Variants in FAM171B observed in about 807,000 individuals in gnomAD.
FAM171B encodes protein FAM171B.
FAM171B carries 19 observed loss-of-function variants against 75.6 expected under a neutral mutation model. The ratio of observed to expected loss-of-function variants is 0.25; its 90% CI spans 0.18 to 0.37. The LOEUF is 0.37. Ranked by LOEUF, FAM171B falls within the 10% of genes least tolerant of loss-of-function variation. The pLI is 1.00. For synonymous variants in FAM171B, 367 were observed against 361.7 expected (o/e 1.01, Z -0.17); for missense variants, 848 against 982.4 (o/e 0.86, Z 1.83).
At chr2:186,719,763 T>C (rs1392936346) in intron 1 of FAM171B, among the ~76,000 whole-genome samples, 1 of 152,200 alleles carries the variant, frequency 6.6e-6, no homozygotes, top group Non-Finnish European at 1.5e-5. Flanking sequence ...ATTTTAGCAA[T>C]GCACATCAAG....
chr2:186,721,275 G>A (rs1313760195), intron 1 of FAM171B, among the ~76,000 whole-genome samples: 4 of 152,146 alleles, frequency 2.6e-5, no homozygotes, highest in African/African-American at 4.8e-5. Flanking sequence ...CAAAAGGTTA[G>A]TCTCCTAGGT....
intron 1 of FAM171B, among the ~76,000 whole-genome samples, chr2:186,731,886 C>T (rs1690120385): frequency 6.6e-6 from 1 of 152,100 alleles, no homozygotes; most frequent in Admixed American, 6.5e-5. Context: ...TTGCATGCTC[C>T]TTATGAAAAT....
Position 186,740,310 on chromosome 2 carries a change from A to G in FAM171B, c.321A>G (p.Val107=), listed in dbSNP as rs1690269729. 1 of 1,613,952 alleles carries G rather than the reference A, an allele frequency of 6.2e-7. No homozygotes were observed. Among genetic ancestry groups the G allele is most frequent in the African/African-American group, 1.3e-5 (1 of 74,932 alleles). The change falls in exon 2 of 8, where the codon GTA becomes GTG. Residue 107 remains valine, a synonymous_variant. Transcript: ENST00000304698. ...YLSQAVVEVF[V]NYTKTNSTVT... is the part of the protein sequence containing the mutation. ...GCCAAGCAGTTGTAGAAGTGTTTGTAAACTACACGAAGACAAATTCCACAG... is the reference window on the plus strand; with the variant it reads ...GCCAAGCAGTTGTAGAAGTGTTTGTGAACTACACGAAGACAAATTCCACAG...
rs2105767084 is a variant in FAM171B, at chr2:186,694,271, A to G, written c.98A>G (p.Glu33Gly). 6.2e-7 allele frequency: 1 copy of G among 1,611,932 alleles called. No individual in the cohort carries two copies. The highest frequency in any genetic ancestry group is 8.5e-7 in the Non-Finnish European group (1 of 1,179,644). The change falls in exon 1 of 8, where the codon GAA (glutamate) becomes GGA (glycine). Residue 33 changes from glutamate (E) to glycine (G), a missense_variant. Transcript: ENST00000304698. Reference protein sequence around the residue: ...ARLVPAAARAELSRSDLSLIQ... With the variant: ...ARLVPAAARAGLSRSDLSLIQ... ...CTGGTCCCCGCGGCCGCCAGAGCGG[A>G]ACTCAGCCGCTCCGACCTCAGCCTC...
Position 186,747,116 on chromosome 2 carries a change from A to C in FAM171B, c.590A>C (p.Gln197Pro). The change falls in exon 4 of 8, where the codon CAG (glutamine) becomes CCG (proline). Residue 197 changes from glutamine to proline, a missense_variant. Gln to Pro is a moderately conservative substitution (Grantham distance 76, BLOSUM62 -1). Transcript: ENST00000304698. ...GATGCCAAGTCTCAACCAAGTGTTC[A>C]GTTTTCAAAAGCCTTAATTAAACTT... ...LADAKSQPSV[Q>P]FSKALIKLPD... The C allele has an allele frequency of 6.3e-7, 1 of 1,596,652 alleles. No individual in the cohort carries two copies. Among genetic ancestry groups the C allele is most frequent in the Non-Finnish European group, 8.5e-7 (1 of 1,173,436 alleles).
chr2:186,761,921 AT>A lies in FAM171B; in HGVS notation c.1581del (p.Pro528LeufsTer41), dbSNP rs1297722663. The A allele has an allele frequency of 6.2e-7, 1 of 1,613,180 alleles. No homozygotes were observed. The highest frequency in any genetic ancestry group is 1.3e-5 in the African/African-American group (1 of 74,876). Reference protein sequence around the residue: ...GNEEAYGRSHIPEQLMHIYSQ... With the variant: ...GNEEAYGRSHXPEQLMHIYSQ... Reference sequence around the variant, plus strand: ...TGAGGAGGCGTATGGGCGTTCCCATATTCCTGAACAGCTTATGCATATTTAC... The same window carrying A: ...TGAGGAGGCGTATGGGCGTTCCCATATCCTGAACAGCTTATGCATATTTAC... On this transcript the variant is annotated frameshift_variant, in exon 8 of 8. Coordinates refer to ENST00000304698, the MANE Select transcript of FAM171B (RefSeq NM_177454.4). LOFTEE classifies it high-confidence loss of function.
chr2:186,732,350 T>C (rs1344311623), intron 1 of FAM171B, among the ~76,000 whole-genome samples: 3 of 152,200 alleles, frequency 2.0e-5, no homozygotes, highest in African/African-American at 7.2e-5. Context: ...AATTTAGTAG[T>C]GTCACCCCAA....
intron 1 of FAM171B, among the ~76,000 whole-genome samples, chr2:186,725,187 AC>A (rs371859516): frequency 8.5e-4 from 114 of 133,578 alleles, no homozygotes; most frequent in African/African-American, 3.0e-3. Context: ...TACTAAAAAT[AC>A]AAAAAATTAG....
intron 1 of FAM171B, among the ~76,000 whole-genome samples, chr2:186,737,214 A>G (rs1690214940): frequency 6.6e-6 from 1 of 152,374 alleles, no homozygotes; most frequent in East Asian, 1.9e-4. Flanking sequence ...GAGATGTGAT[A>G]CATGCTTACA....
chr2:186,695,106 A>G (rs1689560065), intron 1 of FAM171B: 1 of 152,238 alleles, frequency 6.6e-6, no homozygotes, highest in African/African-American at 2.4e-5. Flanking sequence ...TGAAGTCTGG[A>G]GTGGTGTTAG....
At chr2:186,720,800 T>C (rs1244171812) in intron 1 of FAM171B, among the ~76,000 whole-genome samples, 5 of 151,576 alleles carry the variant, frequency 3.3e-5, no homozygotes, top group African/African-American at 1.2e-4. Flanking sequence ...ACATTTCTAA[T>C]ACGGGAAGGA....
intron 2 of FAM171B, among the ~76,000 whole-genome samples, chr2:186,741,999 A>C (rs994658380): frequency 9.2e-5 from 14 of 152,184 alleles, no homozygotes; most frequent in Admixed American, 7.2e-4. Flanking sequence ...AAATGTTATG[A>C]AAAGTATCTT....
chr2:186,758,375 A>C (rs1690565494), intron 6 of FAM171B, among the ~76,000 whole-genome samples: 1 of 152,170 alleles, frequency 6.6e-6, no homozygotes, highest in African/African-American at 2.4e-5. Flanking sequence ...ATCTTTTATC[A>C]AATTAGTGCA....
At chr2:186,756,066 T>C (rs780378259) in intron 6 of FAM171B, among the ~76,000 whole-genome samples, 1 of 152,222 alleles carries the variant, frequency 6.6e-6, no homozygotes, top group Admixed American at 6.5e-5. Flanking sequence ...GAAATGTACT[T>C]ACACTAAAAA....
intron 1 of FAM171B, among the ~76,000 whole-genome samples, chr2:186,694,748 A>AAC (rs57171143): frequency 0.11 from 15,232 of 133,106 alleles, 930 homozygotes; most frequent in African/African-American, 0.16. Flanking sequence ...GAATGACTGT[A>AAC]ACACACACAC....
intron 1 of FAM171B, among the ~76,000 whole-genome samples, chr2:186,705,050 T>A (rs1295779849): frequency 6.6e-6 from 1 of 152,138 alleles, no homozygotes; most frequent in Non-Finnish European, 1.5e-5. Context: ...CAATGGTGAG[T>A]CAGTGGTAGA....
At chr2:186,695,201 T>C (rs888344546) in intron 1 of FAM171B, 2 of 152,180 alleles carry the variant, frequency 1.3e-5, no homozygotes, top group Non-Finnish European at 2.9e-5. Context: ...CACTGTTCAG[T>C]GAAGGTGTAG....
intron 1 of FAM171B, 28 bp from the exon 2 acceptor site, chr2:186,740,200 G>C (rs1690267487): frequency 6.5e-7 from 1 of 1,534,790 alleles, no homozygotes. Flanking sequence ...GATACGACAT[G>C]CTGCAATTTC....
Position 186,761,961 on chromosome 2 carries a change from C to T in FAM171B, c.1619C>T (p.Ala540Val), listed in dbSNP as rs1489958167. 6 of 1,613,420 alleles carry T rather than the reference C, an allele frequency of 3.7e-6. No homozygotes were observed. Among genetic ancestry groups the T allele is most frequent in the Non-Finnish European group, 5.1e-6 (6 of 1,179,754 alleles). ...QLMHIYSQPI[A>V]ILQTSDLFST... ...ATGCATATTTACAGCCAACCCATTG[C>T]CATCCTTCAAACATCTGACCTTTTC... Residue 540 changes from alanine to valine, a missense_variant, in exon 8 of 8, where the codon GCC (alanine) becomes GTC (valine). Physicochemically the swap from Ala to Val is moderately conservative, Grantham distance 64. Around this residue, in one of 3 missense-constraint regions of FAM171B, gnomAD observed 665 missense variants for 729.0 expected, o/e 0.91. Transcript: ENST00000304698.
Sources: allele counts gnomAD v4.1 joint callset (sites outside exome capture counted in the v4.1 genomes callset), GRCh38; gene constraint gnomAD v4.1.1; regional missense constraint gnomAD v4.1.1; transcripts MANE v1.5; gene names NCBI Gene and HGNC (gene_info 2026-07-23, HGNC 2026-07-21).